The following SYNPR variants were observed in gnomAD, a reference collection of about 807,000 sequenced individuals.
The protein encoded by SYNPR is synaptoporin.
A neutral mutation model predicts 32.9 loss-of-function variants in SYNPR; 23 were observed. The ratio of observed to expected loss-of-function variants is 0.70; its 90% CI spans 0.50 to 0.99. The LOEUF (loss-of-function observed/expected upper bound fraction) is 0.99, where lower values mean the gene tolerates loss of function less well. SYNPR is among the 50% of genes least tolerant of loss of function. SYNPR has a pLI of 0.00. For missense variants in SYNPR, 318 were observed against 349.3 expected (o/e 0.91, Z 0.71); for synonymous variants, 146 against 135.9 (o/e 1.07, Z -0.52).
chr3:63,508,574 C>A (rs941304803), intron 3 of SYNPR, among the ~76,000 whole-genome samples: 2 of 152,022 alleles, frequency 1.3e-5, no homozygotes, highest in Non-Finnish European at 2.9e-5. Flanking sequence ...AAAGACAAAA[C>A]TCCCTAACTC....
chr3:63,363,062 A>G (rs1236387298), intron 2 of SYNPR, among the ~76,000 whole-genome samples: 1 of 152,208 alleles, frequency 6.6e-6, no homozygotes, highest in Non-Finnish European at 1.5e-5. Context: ...GGTAGCAAAT[A>G]GTACTTTTGG....
rs573232733 is a variant in SYNPR at position 63,394,931 on chromosome 3, T to C, written c.85-85901T>C. ...TATTTATAGGGCATAATTTATCTAA[T>C]GAAATCTTCAGTATAAACAGATACA... On this transcript the variant is annotated intron_variant, in intron 2 of 5. Coordinates refer to ENST00000478300, the MANE Select transcript of SYNPR (RefSeq NM_001130003.2). Among the ~76,000 whole-genome samples the C allele has an allele frequency of 7.4e-4, 112 of 152,332 alleles. 4 individuals are homozygous for C. In the South Asian group the frequency reaches 0.023, roughly 31 times the overall value.
In SYNPR at chr3:63,313,608, G is replaced by A. The variant is rs1415402935; in HGVS notation, c.84+34866G>A. On this transcript the variant is annotated intron_variant, in intron 2 of 5. Coordinates refer to ENST00000478300, the MANE Select transcript of SYNPR (RefSeq NM_001130003.2). The stretch of plus-strand genomic sequence containing the variant: ...TGTGCGTACATATATGTGTGTGTGT[G>A]TATACACACACATATACACACACAA... Among the ~76,000 whole-genome samples, 16 of 141,230 alleles carry A rather than the reference G, an allele frequency of 1.1e-4. No individual in the cohort carries two copies. The Admixed American group carries it at 1.1e-3, about 10-fold the overall frequency. 92.7% of individuals were successfully genotyped at this position (141,230 alleles called of 152,430 possible).
At chr3:63,389,691 C>T (rs986026604) in intron 2 of SYNPR, among the ~76,000 whole-genome samples, 1 of 152,194 alleles carries the variant, frequency 6.6e-6, no homozygotes, top group Non-Finnish European at 1.5e-5. Flanking sequence ...GGAAAATCAA[C>T]ATGCTGCCAC....
At chr3:63,362,590 G>C (rs980724435) in intron 2 of SYNPR, among the ~76,000 whole-genome samples, 2 of 152,166 alleles carry the variant, frequency 1.3e-5, no homozygotes, top group African/African-American at 4.8e-5. Context: ...AAGGATCTTA[G>C]AGTCTGGTGG....
chr3:63,316,915 G>T (rs1010079247), intron 2 of SYNPR, among the ~76,000 whole-genome samples: 2 of 151,788 alleles, frequency 1.3e-5, no homozygotes, highest in Admixed American at 6.6e-5. Flanking sequence ...TATCTCAGAG[G>T]TTTTGATAAG....
At chr3:63,614,754 T>G (rs113819539) in intron 5 of SYNPR, among the ~76,000 whole-genome samples, 2 of 152,198 alleles carry the variant, frequency 1.3e-5, no homozygotes, top group Non-Finnish European at 2.9e-5. Context: ...TATAAATGAA[T>G]GCACCATTAT....
At chr3:63,344,495 T>C (rs1425698028) in intron 2 of SYNPR, among the ~76,000 whole-genome samples, 2 of 151,948 alleles carry the variant, frequency 1.3e-5, no homozygotes, top group African/African-American at 4.8e-5. Flanking sequence ...TTAAATTCAA[T>C]TCCTTATTTA....
chr3:63,443,555 AC>A (rs1406481193), intron 2 of SYNPR: 1 of 1,417,654 alleles, frequency 7.1e-7, no homozygotes, highest in African/African-American at 1.4e-5. Context: ...TTTGGATTGT[AC>A]ACTTTTCTTT....
intron 2 of SYNPR, among the ~76,000 whole-genome samples, chr3:63,323,139 T>C (rs892751706): frequency 2.0e-5 from 3 of 152,064 alleles, no homozygotes; most frequent in Non-Finnish European, 4.4e-5. Context: ...GCAGAGTGAC[T>C]GTGGAGTTTG....
intron 4 of SYNPR, among the ~76,000 whole-genome samples, chr3:63,573,346 G>T (rs1254350864): frequency 6.6e-6 from 1 of 152,086 alleles, no homozygotes; most frequent in Non-Finnish European, 1.5e-5. Context: ...TTCTACATGG[G>T]AGCCAACCTC....
chr3:63,226,916 T>A (rs954725719), upstream of SYNPR, among the ~76,000 whole-genome samples: 1 of 152,222 alleles, frequency 6.6e-6, no homozygotes, highest in Non-Finnish European at 1.5e-5. Flanking sequence ...ATTCCTTGAA[T>A]ACCCTGATCT....
chr3:63,272,990 A>G (rs2086548573), intron 3 of SYNPR, among the ~76,000 whole-genome samples: 1 of 152,160 alleles, frequency 6.6e-6, no homozygotes, highest in Non-Finnish European at 1.5e-5. Context: ...GGAGAATGTT[A>G]AAAATGATGA....
At chr3:63,558,514 G>T (rs1312609425) in intron 4 of SYNPR, among the ~76,000 whole-genome samples, 1 of 151,826 alleles carries the variant, frequency 6.6e-6, no homozygotes, top group Non-Finnish European at 1.5e-5. Context: ...TGTGTTTTTT[G>T]CAGAGACAAG....
chr3:63,496,312 G>T (rs1382723798), intron 3 of SYNPR, among the ~76,000 whole-genome samples: 1 of 151,862 alleles, frequency 6.6e-6, no homozygotes, highest in East Asian at 1.9e-4. Flanking sequence ...TTATTAAAAA[G>T]AATAATTATA....
chr3:63,417,579 A>G (rs1320500188), intron 2 of SYNPR, among the ~76,000 whole-genome samples: 1 of 152,200 alleles, frequency 6.6e-6, no homozygotes, highest in Non-Finnish European at 1.5e-5. Context: ...AGACTTCTCC[A>G]TGAGGGTCCT....
At chr3:63,477,214 G>T (rs762325911) in intron 2 of SYNPR, among the ~76,000 whole-genome samples, 5 of 152,116 alleles carry the variant, frequency 3.3e-5, no homozygotes. Flanking sequence ...CAGGCCCCTG[G>T]AGAGCCTCCA....
At chr3:63,480,771 A>G in intron 2 of SYNPR, 61 bp from the exon 3 acceptor site, 1 of 1,578,134 alleles carries the variant, frequency 6.3e-7, no homozygotes, top group Non-Finnish European at 8.6e-7. Flanking sequence ...CTTTTGATAT[A>G]TCTCATTAGA....
chr3:63,260,224 G>A (rs1006203687), intron 2 of SYNPR, among the ~76,000 whole-genome samples: 21 of 152,062 alleles, frequency 1.4e-4, no homozygotes, highest in South Asian at 2.1e-4. Flanking sequence ...AAACTACTTT[G>A]AAGTTCATAT....
Sources: gnomAD v4.1 joint callset for allele counts (sites outside exome capture counted in the v4.1 genomes callset) on GRCh38, gnomAD v4.1.1 for gene constraint, MANE v1.5 for transcripts, NCBI Gene and HGNC (gene_info 2026-07-23, HGNC 2026-07-21) for gene names.